ASTN1: variants seen among roughly 807,000 people sequenced by gnomAD.
ASTN1 encodes the protein astrotactin-1.
A neutral mutation model predicts 140.7 loss-of-function variants in ASTN1; 41 were observed. The observed-to-expected ratio is 0.29, with a 90% confidence interval of 0.23 to 0.38. ASTN1 has a LOEUF of 0.38. Ranked by LOEUF, ASTN1 falls within the 10% of genes least tolerant of loss-of-function variation. ASTN1 has a pLI of 1.00. For missense variants in ASTN1, 1,479 were observed against 1,678.8 expected (o/e 0.88, Z 2.08); for synonymous variants, 640 against 652.2 (o/e 0.98, Z 0.29).
chr1:176,859,225 T>C (rs1189263138), downstream of ASTN1, among the ~76,000 whole-genome samples: 3 of 152,144 alleles, frequency 2.0e-5, no homozygotes, highest in Non-Finnish European at 4.4e-5. Flanking sequence ...AACAATTCTC[T>C]TCTTCTCCTG....
chr1:177,161,262 G>C (rs1360390422), intron 1 of ASTN1, among the ~76,000 whole-genome samples: 1 of 152,130 alleles, frequency 6.6e-6, no homozygotes, highest in Admixed American at 6.5e-5. Flanking sequence ...CCCCACTACT[G>C]TCATGTCACA....
At chr1:176,893,169 C>T (rs529763737) in intron 17 of ASTN1, among the ~76,000 whole-genome samples, 8 of 152,316 alleles carry the variant, frequency 5.3e-5, no homozygotes, top group South Asian at 2.1e-4. Flanking sequence ...GAGCTCTGCA[C>T]GCCCTGTTGC....
chr1:177,130,472 C>T (rs1048004019), intron 1 of ASTN1, among the ~76,000 whole-genome samples: 12 of 152,158 alleles, frequency 7.9e-5, no homozygotes, highest in Non-Finnish European at 1.6e-4. Flanking sequence ...CTCTTAAAAT[C>T]GCTCCTGGAG....
intron 1 of ASTN1, among the ~76,000 whole-genome samples, chr1:177,144,130 A>G (rs367888892): frequency 2.1e-4 from 31 of 150,820 alleles, no homozygotes; most frequent in South Asian, 1.0e-3. Flanking sequence ...TGCGGATGTC[A>G]TAAGAGATTC....
chr1:177,082,819 A>C (rs545936868), intron 1 of ASTN1, among the ~76,000 whole-genome samples: 15 of 152,290 alleles, frequency 9.8e-5, no homozygotes, highest in Non-Finnish European at 2.1e-4. Context: ...GTAGCTCATT[A>C]CTTGCTAGTA....
chr1:176,925,011 A>C (rs994213048), intron 16 of ASTN1, among the ~76,000 whole-genome samples: 1 of 152,204 alleles, frequency 6.6e-6, no homozygotes, highest in Non-Finnish European at 1.5e-5. Flanking sequence ...TAAAAAAGTC[A>C]GCTTATTGCC....
chr1:177,072,360 T>C (rs1015384039), intron 1 of ASTN1, among the ~76,000 whole-genome samples: 13 of 152,182 alleles, frequency 8.5e-5, no homozygotes, highest in African/African-American at 3.1e-4. Context: ...GAATCACATC[T>C]GCATAGTATT....
intron 8 of ASTN1, among the ~76,000 whole-genome samples, chr1:177,002,886 C>T (rs967371881): frequency 1.3e-5 from 2 of 151,468 alleles, no homozygotes; most frequent in South Asian, 2.1e-4. Context: ...AATAGATTCC[C>T]GAAGACATAC....
chr1:176,929,933 AGGAGGT>A (rs1671135603), intron 16 of ASTN1, among the ~76,000 whole-genome samples: 2 of 152,118 alleles, frequency 1.3e-5, no homozygotes, highest in Admixed American at 6.5e-5. Flanking sequence ...GCGTGAACCC[AGGAGGT>A]GGAGCTTGCA....
chr1:176,930,169 A>G (rs1450110831), intron 16 of ASTN1, among the ~76,000 whole-genome samples: 1 of 152,186 alleles, frequency 6.6e-6, no homozygotes, highest in Non-Finnish European at 1.5e-5. Context: ...TAGGTGGTGA[A>G]AAGGACTTTG....
chr1:177,025,091 C>A (rs1424931300), intron 5 of ASTN1, among the ~76,000 whole-genome samples: 1 of 152,170 alleles, frequency 6.6e-6, no homozygotes, highest in African/African-American at 2.4e-5. Flanking sequence ...ATGCTTTAAT[C>A]CCACACTATA....
rs1681213208 is a variant in ASTN1, at chr1:177,118,591, G to A, written c.283+45803C>T. On this transcript the variant is annotated intron_variant, in intron 1 of 22. Transcript: ENST00000361833. Reference sequence around the variant, plus strand: ...TTCAAATAAGCCATTAACACAGCCAGCCAAACTAATGGTGGGATTTCTTAG... The same window carrying A: ...TTCAAATAAGCCATTAACACAGCCAACCAAACTAATGGTGGGATTTCTTAG... Among the ~76,000 whole-genome samples, 3 of 152,182 alleles carry A rather than the reference G, an allele frequency of 2.0e-5. 1 individual carries two copies. In the South Asian group the frequency reaches 6.2e-4, roughly 32 times the overall value.
chr1:177,126,176 A>T (rs1460295833), intron 1 of ASTN1, among the ~76,000 whole-genome samples: 1 of 152,056 alleles, frequency 6.6e-6, no homozygotes, highest in Non-Finnish European at 1.5e-5. Context: ...CATCATCATT[A>T]TCCTATCAGA....
intron 2 of ASTN1, among the ~76,000 whole-genome samples, chr1:177,053,079 C>T (rs1571713726): frequency 1.3e-5 from 2 of 152,164 alleles, no homozygotes; most frequent in Admixed American, 1.3e-4. Context: ...GTGCTGGAGA[C>T]ACAGTGAGGG....
At chr1:176,870,837 GT>G (rs1476321187) in intron 21 of ASTN1, among the ~76,000 whole-genome samples, 1 of 152,188 alleles carries the variant, frequency 6.6e-6, no homozygotes, top group African/African-American at 2.4e-5. Flanking sequence ...ATCTCCAGTT[GT>G]TTATCAAAGG....
intron 2 of ASTN1, among the ~76,000 whole-genome samples, chr1:177,056,277 G>A (rs1677798600): frequency 6.6e-6 from 1 of 152,242 alleles, no homozygotes; most frequent in East Asian, 1.9e-4. Flanking sequence ...CTGTATAATG[G>A]CACCTGCCTC....
chr1:177,164,662 C>A lies in ASTN1; in HGVS notation c.15G>T (p.Gly5=), dbSNP rs768417151. ...AGCAGCAGGCGAGCAGGGCGCAGAG[C>A]CCGGCTAAAGCCATCTTGAGCCCCG... MALA[G]LCALLACCWG... The change falls in exon 1 of 23, where the codon GGG becomes GGT. Residue 5 remains glycine (G), a synonymous_variant. Transcript: ENST00000361833. The A allele has an allele frequency of 1.5e-5, 24 of 1,585,368 alleles. No individual in the cohort carries two copies. The highest frequency in any genetic ancestry group is 2.3e-5 in the South Asian group (2 of 88,140).
At chr1:176,997,691 T>C (rs968345797) in intron 8 of ASTN1, among the ~76,000 whole-genome samples, 3 of 152,072 alleles carry the variant, frequency 2.0e-5, no homozygotes, top group African/African-American at 7.2e-5. Flanking sequence ...AATAAGCCCT[T>C]GCTCCAAAGT....
chr1:177,140,443 T>C (rs558186721), intron 1 of ASTN1, among the ~76,000 whole-genome samples: 6 of 152,306 alleles, frequency 3.9e-5, no homozygotes, highest in Non-Finnish European at 8.8e-5. Context: ...CTAAGTATAA[T>C]GTGACCCAAT....
Sources: allele counts gnomAD v4.1 joint callset (sites outside exome capture counted in the v4.1 genomes callset), GRCh38; gene constraint gnomAD v4.1.1; transcripts MANE v1.5; gene names NCBI Gene and HGNC (gene_info 2026-07-23, HGNC 2026-07-21).